ZBTB20: variants seen among roughly 807,000 people sequenced by gnomAD.
The protein encoded by ZBTB20 is zinc finger and BTB domain-containing protein 20.
Under a neutral mutation model 56.9 loss-of-function variants are expected in ZBTB20, and 9 were observed. The observed-to-expected ratio is 0.16, with a 90% CI of 0.10 to 0.28. The LOEUF is 0.28. Among genes scored for constraint, ZBTB20 ranks in the 10% least tolerant of loss-of-function variants. The probability of loss-of-function intolerance (pLI) is 1.00; values close to 1 mark genes in which losing one functional copy is unlikely to be tolerated. For synonymous variants in ZBTB20, 417 were observed against 420.7 expected, an observed-to-expected ratio of 0.99 and a Z score of 0.11; for missense variants, 655 against 1,003.0, an observed-to-expected ratio of 0.65 and a Z score of 4.69.
chr3:115,046,423 G>A (rs1410904812), intron 2 of ZBTB20, among the ~76,000 whole-genome samples: 1 of 152,106 alleles, frequency 6.6e-6, no homozygotes, highest in Non-Finnish European at 1.5e-5. Context: ...CCCCCAAAAT[G>A]AGTAAACACA....
chr3:114,814,204 A>T (rs1578992304), intron 4 of ZBTB20, among the ~76,000 whole-genome samples: 1 of 149,900 alleles, frequency 6.7e-6, no homozygotes, highest in Admixed American at 6.7e-5. Context: ...ATGTTTTTCC[A>T]CTGTTTACCC....
At chr3:114,713,177 T>C (rs2064213832) in intron 5 of ZBTB20, among the ~76,000 whole-genome samples, 1 of 152,058 alleles carries the variant, frequency 6.6e-6, no homozygotes, top group Non-Finnish European at 1.5e-5. Context: ...TATGCTTATA[T>C]TGATTTTATT....
At chr3:114,349,060 C>A (rs547229097) in intron 11 of ZBTB20, among the ~76,000 whole-genome samples, 1 of 151,826 alleles carries the variant, frequency 6.6e-6, no homozygotes, top group East Asian at 1.9e-4. Context: ...GTTAAATGAG[C>A]GTGGTGGCAT....
chr3:115,127,051 T>C (rs532752618), intron 1 of ZBTB20, among the ~76,000 whole-genome samples: 17 of 152,330 alleles, frequency 1.1e-4, no homozygotes, highest in Non-Finnish European at 2.2e-4. Context: ...TTAAAATGAA[T>C]ATAATTATTC....
chr3:114,920,101 C>G (rs2075900716), intron 3 of ZBTB20, among the ~76,000 whole-genome samples: 1 of 152,024 alleles, frequency 6.6e-6, no homozygotes, highest in South Asian at 2.1e-4. Flanking sequence ...TACATGCACT[C>G]AACATTAGAG....
chr3:114,557,865 A>T (rs892754783), intron 6 of ZBTB20, among the ~76,000 whole-genome samples: 2 of 152,160 alleles, frequency 1.3e-5, no homozygotes, highest in Admixed American at 6.5e-5. Flanking sequence ...ATTTTTACAC[A>T]TGGCATTATT....
intron 2 of ZBTB20, among the ~76,000 whole-genome samples, chr3:115,021,569 A>C (rs1184257102): frequency 2.0e-5 from 3 of 150,912 alleles, no homozygotes; most frequent in Non-Finnish European, 4.5e-5. Flanking sequence ...ATTTTTATAT[A>C]ATGAATGCAA....
At chr3:114,599,311 C>T (rs1046015257) in intron 6 of ZBTB20, 1 of 151,966 alleles carries the variant, frequency 6.6e-6, no homozygotes, top group Non-Finnish European at 1.5e-5. Flanking sequence ...GAGATGCTTC[C>T]CTGTAAGGAG....
At chr3:114,580,691 C>G (rs1220148588) in intron 6 of ZBTB20, among the ~76,000 whole-genome samples, 2 of 151,504 alleles carry the variant, frequency 1.3e-5, no homozygotes, top group East Asian at 1.9e-4. Context: ...AAATGGAAAA[C>G]AGATATGAAT....
intron 6 of ZBTB20, among the ~76,000 whole-genome samples, chr3:114,691,570 T>C (rs2062699617): frequency 6.6e-6 from 1 of 152,042 alleles, no homozygotes; most frequent in Middle Eastern, 3.2e-3. Flanking sequence ...AATGCTCTTA[T>C]TGGGCATTTA....
At chr3:115,020,183 A>G (rs1489186866) in intron 2 of ZBTB20, among the ~76,000 whole-genome samples, 1 of 151,142 alleles carries the variant, frequency 6.6e-6, no homozygotes, top group Non-Finnish European at 1.5e-5. Flanking sequence ...CACCAGAAGT[A>G]CCCAGGCTCT....
chr3:114,906,506 A>C (rs1459262125), intron 3 of ZBTB20, among the ~76,000 whole-genome samples: 1 of 151,538 alleles, frequency 6.6e-6, no homozygotes, highest in Admixed American at 6.6e-5. Context: ...AGGTAAACTT[A>C]CATAACCATC....
chr3:114,462,497 A>G (rs966793373), intron 7 of ZBTB20, among the ~76,000 whole-genome samples: 83 of 152,206 alleles, frequency 5.5e-4, no homozygotes, highest in African/African-American at 1.7e-3. Context: ...TCAATTTCCA[A>G]TGACACTCAG....
intron 3 of ZBTB20, among the ~76,000 whole-genome samples, chr3:114,938,103 G>A (rs2076606491): frequency 6.6e-6 from 1 of 151,376 alleles, no homozygotes; most frequent in African/African-American, 2.5e-5. Flanking sequence ...GGGCAACAGA[G>A]TGAGACTCCA....
intron 2 of ZBTB20, among the ~76,000 whole-genome samples, chr3:115,068,884 A>T (rs1270730905): frequency 1.3e-5 from 2 of 152,070 alleles, no homozygotes; most frequent in Non-Finnish European, 2.9e-5. Context: ...TTGTTTGAAA[A>T]AAAAAAAAGT....
intron 6 of ZBTB20, among the ~76,000 whole-genome samples, chr3:114,567,393 A>C (rs1234258627): frequency 6.6e-6 from 1 of 152,194 alleles, no homozygotes; most frequent in Non-Finnish European, 1.5e-5. Context: ...TAGCATGTTA[A>C]AATCCAAATT....
At chr3:114,837,803 A>G (rs1266893690) in intron 4 of ZBTB20, among the ~76,000 whole-genome samples, 1 of 152,106 alleles carries the variant, frequency 6.6e-6, no homozygotes, top group African/African-American at 2.4e-5. Context: ...GTGAAAATAG[A>G]GGATGTGGAG....
At chr3:114,749,576 GA>G (rs1179478922) in intron 5 of ZBTB20, among the ~76,000 whole-genome samples, 12 of 97,026 alleles carry the variant, frequency 1.2e-4, no homozygotes, top group Non-Finnish European at 2.5e-4. Context: ...GAAAAGGAAG[GA>G]AGGAAGGAAG....
intron 4 of ZBTB20, among the ~76,000 whole-genome samples, chr3:114,885,159 A>T (rs1341290348): frequency 6.6e-6 from 1 of 152,074 alleles, no homozygotes; most frequent in Non-Finnish European, 1.5e-5. Context: ...GAAGAAGCAG[A>T]CCTCCCAACT....
Sources: gnomAD v4.1 joint callset for allele counts (sites outside exome capture counted in the v4.1 genomes callset) on GRCh38, gnomAD v4.1.1 for gene constraint, MANE v1.5 for transcripts, NCBI Gene and HGNC (gene_info 2026-07-23, HGNC 2026-07-21) for gene names.